WASHC2A: variants seen among roughly 807,000 people sequenced by gnomAD.
WASHC2A encodes WASH complex subunit 2A.
Under a neutral mutation model 140.3 loss-of-function variants are expected in WASHC2A, and 82 were observed. That is an observed-to-expected ratio of 0.58 (90% confidence interval 0.49 to 0.70). The LOEUF (loss-of-function observed/expected upper bound fraction) is 0.70, where lower values mean the gene tolerates loss of function less well. WASHC2A is among the 30% of genes least tolerant of loss of function. The probability of loss-of-function intolerance (pLI) is 0.00; values close to 1 mark genes in which losing one functional copy is unlikely to be tolerated. For missense variants in WASHC2A, 985 were observed against 1,521.8 expected, an observed-to-expected ratio of 0.65 and a Z score of 5.87; for synonymous variants, 340 against 560.8, an observed-to-expected ratio of 0.61 and a Z score of 5.56.
chr10:50,077,279 G>C (rs1554878343), intron 3 of WASHC2A, among the ~76,000 whole-genome samples: 12 of 152,132 alleles, frequency 7.9e-5, no homozygotes, highest in Non-Finnish European at 5.9e-5. Flanking sequence ...GGGTGACAGA[G>C]CTAGACTCTG....
chr10:50,085,275 T>G (rs113143960), intron 6 of WASHC2A, among the ~76,000 whole-genome samples: 3 of 109,346 alleles, frequency 2.7e-5, no homozygotes, highest in African/African-American at 7.9e-5. Flanking sequence ...GTACAAGCAA[T>G]TTTTTTTTTA....
At chr10:50,128,618 A>G (rs1165283218) in intron 28 of WASHC2A, among the ~76,000 whole-genome samples, 1 of 152,222 alleles carries the variant, frequency 6.6e-6, no homozygotes, top group African/African-American at 2.4e-5. Context: ...TTCCTTGTGC[A>G]AAACAAAACC....
chr10:50,090,513 A>ATAT (rs1222938483), intron 8 of WASHC2A, among the ~76,000 whole-genome samples: 2,528 of 68,318 alleles, frequency 0.037, 59 homozygotes, highest in East Asian at 0.092. Flanking sequence ...AAAAAAAAAA[A>ATAT]AAATATATAT....
In WASHC2A at chr10:50,131,647, A is replaced by G. The variant is rs1172967246; in HGVS notation, c.3886+569A>G. Among the ~76,000 whole-genome samples the G allele has an allele frequency of 7.2e-5, 11 of 152,318 alleles. No homozygotes were observed. In the East Asian group the frequency reaches 1.7e-3, roughly 24 times the overall value. On this transcript the variant is annotated intron_variant, in intron 30 of 30. Coordinates refer to ENST00000282633, the MANE Select transcript of WASHC2A (RefSeq NM_001005751.3). ...ACAAGGCAAATGCCCGAGAACCCTA[A>G]ATATTGGACTTTTGATAAATCCTGT...
At chr10:50,099,071 A>G (rs1554885605) in intron 16 of WASHC2A, among the ~76,000 whole-genome samples, 1 of 152,008 alleles carries the variant, frequency 6.6e-6, no homozygotes, top group Non-Finnish European at 1.5e-5. Context: ...TTGAAAATCC[A>G]CTGATGATCT....
chr10:50,087,147 G>A, intron 7 of WASHC2A, 128 bp from the exon 8 acceptor site: 1 of 1,240,022 alleles, frequency 8.1e-7, no homozygotes, highest in African/African-American at 1.5e-5. Context: ...AGTACAAAGA[G>A]ACTGAGTGTC....
intron 23 of WASHC2A, 87 bp from the exon 24 acceptor site, chr10:50,125,026 T>G: frequency 6.7e-7 from 1 of 1,488,108 alleles, no homozygotes; most frequent in East Asian, 2.3e-5. Flanking sequence ...AGGGGACATC[T>G]TTGTTGTGTC....
intron 19 of WASHC2A, among the ~76,000 whole-genome samples, chr10:50,106,762 G>A (rs1841829575): frequency 7.8e-6 from 1 of 127,878 alleles, no homozygotes; most frequent in African/African-American, 2.7e-5. Context: ...GTTCATGGTC[G>A]AGTCCCTTAG....
chr10:50,115,734 C>T (rs1454818651), intron 21 of WASHC2A, among the ~76,000 whole-genome samples: 5 of 145,346 alleles, frequency 3.4e-5, no homozygotes, highest in East Asian at 4.2e-4. Context: ...TTCATAGGCC[C>T]GGTTTCTATT....
rs1373273046 is a variant in WASHC2A, at chr10:50,074,303, G to T, written c.292-4372G>T. On this transcript the variant is annotated intron_variant, in intron 3 of 30. Transcript: ENST00000282633. ...GAAGTAGTTGAGGATGCATAGTCCT[G>T]CTCACCCTGAAAAGATCCCATGGGC... Among the ~76,000 whole-genome samples, 2 of 134,850 alleles carry T rather than the reference G, an allele frequency of 1.5e-5. 1 individual carries two copies. The highest frequency in any genetic ancestry group is 5.2e-5 in the African/African-American group (2 of 38,192). 88.5% of individuals were successfully genotyped at this position (134,850 alleles called of 152,430 possible).
chr10:50,105,297 A>G (rs1164824739), intron 18 of WASHC2A, among the ~76,000 whole-genome samples: 8 of 150,678 alleles, frequency 5.3e-5, no homozygotes, highest in Admixed American at 1.3e-4. Flanking sequence ...GGTGAGCTCA[A>G]AGGCTTTGCC....
In WASHC2A at chr10:50,069,725, T is replaced by G; in HGVS notation, c.291+14T>G. The G allele has an allele frequency of 1.2e-6, 2 of 1,607,782 alleles. No individual in the cohort carries two copies. The highest frequency in any genetic ancestry group is 1.7e-6 in the Non-Finnish European group (2 of 1,177,014). On this transcript the variant is annotated intron_variant, in intron 3 of 30. Coordinates refer to ENST00000282633, the MANE Select transcript of WASHC2A (RefSeq NM_001005751.3). ...TTCATTGAGAATGTGAGTTATTTAGTTATATTATCATTCCTTTTTTGGGAG... is the reference window on the plus strand; with the variant it reads ...TTCATTGAGAATGTGAGTTATTTAGGTATATTATCATTCCTTTTTTGGGAG...
chr10:50,115,726 C>G (rs1554891740), intron 21 of WASHC2A, among the ~76,000 whole-genome samples: 1 of 144,578 alleles, frequency 6.9e-6, no homozygotes, highest in Non-Finnish European at 1.5e-5. Context: ...AGCTTTCGTT[C>G]ATAGGCCCGG....
intron 2 of WASHC2A, among the ~76,000 whole-genome samples, chr10:50,068,512 G>A (rs1391155705): frequency 6.6e-6 from 1 of 151,432 alleles, no homozygotes; most frequent in Non-Finnish European, 1.5e-5. Context: ...GGGATTGCTC[G>A]GGCACTAGGG....
intron 3 of WASHC2A, among the ~76,000 whole-genome samples, chr10:50,076,674 TAATA>T (rs1423375190): frequency 2.0e-5 from 3 of 151,500 alleles, no homozygotes; most frequent in South Asian, 2.1e-4. Flanking sequence ...TATAAATAAA[TAATA>T]AATAAATAAT....
chr10:50,111,831 C>CA (rs1237976730), intron 20 of WASHC2A, among the ~76,000 whole-genome samples: 1 of 152,144 alleles, frequency 6.6e-6, no homozygotes, highest in African/African-American at 2.4e-5. Context: ...AGTTGAAGAA[C>CA]AGCCTGACCA....
intron 8 of WASHC2A, among the ~76,000 whole-genome samples, chr10:50,090,515 A>AATATATATATATTT (rs1839814408): frequency 3.7e-5 from 4 of 108,734 alleles, no homozygotes; most frequent in Non-Finnish European, 5.6e-5. Context: ...AAAAAAAAAA[A>AATATATATATATTT]ATATATATAT....
Position 50,110,121 on chromosome 10 carries a change from T to C in WASHC2A, c.1890T>C (p.Ala630=). 1.2e-6 allele frequency: 2 copies of C among 1,610,704 alleles called. No homozygotes were observed. Among genetic ancestry groups the C allele is most frequent in the Non-Finnish European group, 1.7e-6 (2 of 1,179,368 alleles). ...SDEEDQWNIP[A]SQTHLASDSR... Reference sequence around the variant, plus strand: ...TTAAGGACCAGTGGAATATTCCTGCTTCACAGACCCACTTAGCATCTGACA... The same window carrying C: ...TTAAGGACCAGTGGAATATTCCTGCCTCACAGACCCACTTAGCATCTGACA... The change falls in exon 20 of 31, where the codon GCT becomes GCC. Residue 630 remains alanine, a synonymous_variant. Coordinates refer to ENST00000282633, the MANE Select transcript of WASHC2A (RefSeq NM_001005751.3).
chr10:50,114,053 G>A (rs1427694872), intron 21 of WASHC2A, 56 bp downstream of exon 21: 2 of 299,676 alleles, frequency 6.7e-6, no homozygotes, highest in Non-Finnish European at 1.1e-5. Context: ...TGCATCAGTA[G>A]TGGTACTTCC....
Sources: allele counts gnomAD v4.1 joint callset (sites outside exome capture counted in the v4.1 genomes callset), GRCh38; gene constraint gnomAD v4.1.1; transcripts MANE v1.5; gene names NCBI Gene and HGNC (gene_info 2026-07-23, HGNC 2026-07-21).